Variants in DLGAP2 observed in about 807,000 individuals in gnomAD.
DLGAP2 encodes the protein disks large-associated protein 2.
DLGAP2 carries 26 observed loss-of-function variants against 100.3 expected under a neutral mutation model. The observed-to-expected ratio is 0.26, with a 90% CI of 0.19 to 0.36. The LOEUF is 0.36. DLGAP2 is among the 10% of genes least tolerant of loss of function. DLGAP2 has a pLI of 1.00. For synonymous variants in DLGAP2, 886 were observed against 630.1 expected (o/e 1.41, Z -6.08); for missense variants, 1,858 against 1,453.2 (o/e 1.28, Z -4.53).
chr8:1,476,858 T>C, intron 3 of DLGAP2, among the ~76,000 whole-genome samples: 1 of 146,180 alleles, frequency 6.8e-6, no homozygotes, highest in Non-Finnish European at 1.5e-5. Flanking sequence ...GACCCACCCG[T>C]GATGGCCGAG....
At chr8:806,313 C>T (rs1226459101) in intron 1 of DLGAP2, among the ~76,000 whole-genome samples, 2 of 152,202 alleles carry the variant, frequency 1.3e-5, no homozygotes, top group African/African-American at 4.8e-5. Flanking sequence ...CAGCTCTTCT[C>T]TCTGGAGGGC....
chr8:1,466,687 C>G (rs1172592891), intron 3 of DLGAP2, among the ~76,000 whole-genome samples: 1 of 152,142 alleles, frequency 6.6e-6, no homozygotes, highest in Non-Finnish European at 1.5e-5. Context: ...AGTGGCATTT[C>G]TCTGTTAGAT....
chr8:1,065,587 T>C (rs975091841), intron 2 of DLGAP2, among the ~76,000 whole-genome samples: 4 of 152,138 alleles, frequency 2.6e-5, no homozygotes, highest in Admixed American at 1.3e-4. Context: ...AAGAATGACA[T>C]TGTTAATTAT....
intron 1 of DLGAP2, among the ~76,000 whole-genome samples, chr8:896,708 G>A (rs923112670): frequency 6.6e-6 from 1 of 152,118 alleles, no homozygotes; most frequent in African/African-American, 2.4e-5. Flanking sequence ...CACCATCTGA[G>A]CCCGGAAGTG....
chr8:1,213,490 A>T (rs1798148777), intron 2 of DLGAP2, among the ~76,000 whole-genome samples: 1 of 152,148 alleles, frequency 6.6e-6, no homozygotes, highest in Non-Finnish European at 1.5e-5. Flanking sequence ...CTCACATTAT[A>T]ATGTTAAATA....
chr8:959,292 C>G (rs866100608), intron 2 of DLGAP2, among the ~76,000 whole-genome samples: 1 of 152,146 alleles, frequency 6.6e-6, no homozygotes. Context: ...GGAAGGAGGT[C>G]TCAAGTGCAT....
At chr8:1,498,542 C>G (rs982967695) in intron 3 of DLGAP2, among the ~76,000 whole-genome samples, 2 of 152,246 alleles carry the variant, frequency 1.3e-5, no homozygotes, top group Non-Finnish European at 2.9e-5. Flanking sequence ...CTCCCCAGGC[C>G]CCTTGGATGG....
At chr8:1,570,192 G>A (rs187219148) in intron 6 of DLGAP2, among the ~76,000 whole-genome samples, 5 of 152,318 alleles carry the variant, frequency 3.3e-5, no homozygotes, top group Admixed American at 6.5e-5. Context: ...AGACAAGACC[G>A]GGGAGGCACA....
At chr8:1,355,223 G>A (rs1456207544) in intron 3 of DLGAP2, among the ~76,000 whole-genome samples, 1 of 152,280 alleles carries the variant, frequency 6.6e-6, no homozygotes, top group African/African-American at 2.4e-5. Context: ...TGGCGTGACA[G>A]CGGTGACACC....
chr8:1,129,111 A>C (rs1796233194), intron 2 of DLGAP2, among the ~76,000 whole-genome samples: 2 of 152,228 alleles, frequency 1.3e-5, no homozygotes, highest in Non-Finnish European at 2.9e-5. Context: ...ATCACATTTT[A>C]AATCTTACTT....
At chr8:1,692,676 A>G (rs1202675564) in intron 13 of DLGAP2, among the ~76,000 whole-genome samples, 1 of 152,186 alleles carries the variant, frequency 6.6e-6, no homozygotes, top group Non-Finnish European at 1.5e-5. Flanking sequence ...ATAAAAATAC[A>G]TAAACAACTA....
chr8:975,418 A>G (rs914733762), intron 2 of DLGAP2, among the ~76,000 whole-genome samples: 3 of 152,210 alleles, frequency 2.0e-5, no homozygotes, highest in Non-Finnish European at 4.4e-5. Context: ...TTCCCCTCAA[A>G]TCAAAACCAG....
intron 4 of DLGAP2, among the ~76,000 whole-genome samples, chr8:1,545,953 G>A (rs559288095): frequency 5.0e-4 from 76 of 152,250 alleles, no homozygotes; most frequent in African/African-American, 1.8e-3. Flanking sequence ...TAAATTACAC[G>A]TTAATGGAAA....
chr8:978,769 T>A (rs938069687), intron 2 of DLGAP2, among the ~76,000 whole-genome samples: 3 of 152,122 alleles, frequency 2.0e-5, no homozygotes, highest in Admixed American at 6.5e-5. Context: ...ATGGTGGGAT[T>A]TTCCCCAGAA....
chr8:856,838 A>G (rs1797288146), intron 1 of DLGAP2, among the ~76,000 whole-genome samples: 1 of 152,218 alleles, frequency 6.6e-6, no homozygotes, highest in Non-Finnish European at 1.5e-5. Context: ...CCCCATCAGG[A>G]TCCCAGCATG....
chr8:1,499,662 G>A lies in DLGAP2; in HGVS notation c.107-1704G>A, dbSNP rs79645099. ...AATGGGGTTATGTTAAATCATTTGA[G>A]CTGTCTTGTAAGATACTTAACTTAA... On this transcript the variant is annotated intron_variant, in intron 3 of 14. Transcript: ENST00000637795. Among the ~76,000 whole-genome samples, 1,285 of 152,320 alleles carry A rather than the reference G, an allele frequency of 8.4e-3. 22 individuals are homozygous for A. Among genetic ancestry groups the A allele is most frequent in the African/African-American group, 0.03 (1,251 of 41,568 alleles).
intron 3 of DLGAP2, among the ~76,000 whole-genome samples, chr8:1,291,762 A>G (rs1337546121): frequency 6.6e-6 from 1 of 152,124 alleles, no homozygotes; most frequent in East Asian, 1.9e-4. Context: ...CACACCCAAC[A>G]TTGAGCCCCC....
intron 1 of DLGAP2, among the ~76,000 whole-genome samples, chr8:886,435 C>A (rs1467554554): frequency 2.0e-5 from 3 of 151,992 alleles, no homozygotes; most frequent in Non-Finnish European, 4.4e-5. Flanking sequence ...TTTGCTCTTG[C>A]CTCTATAGCT....
intron 2 of DLGAP2, among the ~76,000 whole-genome samples, chr8:1,241,154 ATGTCTAGTTCTCTCACG>A (rs1798784730): frequency 8.3e-5 from 11 of 132,054 alleles, no homozygotes; most frequent in African/African-American, 3.4e-4. Flanking sequence ...ACGTGGTGCC[ATGTCTAGTTCTCTCACG>A]TGGCGCCGTG....
Sources: allele counts gnomAD v4.1 joint callset (sites outside exome capture counted in the v4.1 genomes callset), GRCh38; gene constraint gnomAD v4.1.1; transcripts MANE v1.5; gene names NCBI Gene and HGNC (gene_info 2026-07-23, HGNC 2026-07-21).